The following PRR12 variants were observed in gnomAD, a reference collection of about 807,000 sequenced individuals.
PRR12 encodes the protein proline rich 12.
PRR12 carries 12 observed loss-of-function variants against 138.0 expected under a neutral mutation model. The ratio of observed to expected loss-of-function variants is 0.09; its 90% CI spans 0.06 to 0.14. The LOEUF is 0.14. Ranked by LOEUF, PRR12 falls within the 10% of genes least tolerant of loss-of-function variation. The probability of loss-of-function intolerance (pLI) is 1.00; values close to 1 mark genes in which losing one functional copy is unlikely to be tolerated. For synonymous variants in PRR12, 1,567 were observed against 1,291.7 expected, an observed-to-expected ratio of 1.21 and a Z score of -4.57; for missense variants, 2,692 against 2,861.3, an observed-to-expected ratio of 0.94 and a Z score of 1.35.
rs1336253766 is a variant in PRR12 at position 49,619,467 on chromosome 19, T to C, written c.5498-885T>C. Among the ~76,000 whole-genome samples the C allele has an allele frequency of 4.0e-5, 6 of 149,812 alleles. 1 individual carries two copies. The South Asian group carries it at 1.3e-3, about 32-fold the overall frequency. Reference sequence around the variant, plus strand: ...TCAGGCTGGTCTCGAACTCCCGACCTCAGGTGATCCACTTGCCTTGGCCTC... The same window carrying C: ...TCAGGCTGGTCTCGAACTCCCGACCCCAGGTGATCCACTTGCCTTGGCCTC... On this transcript the variant is annotated intron_variant, in intron 9 of 13. Coordinates refer to ENST00000418929, the MANE Select transcript of PRR12 (RefSeq NM_020719.3).
Position 49,597,470 on chromosome 19 carries a change from A to ACCGCCG in PRR12, c.3138_3143dup (p.Pro1048_Pro1049dup). On this transcript the variant is annotated inframe_insertion, in exon 4 of 14. Coordinates refer to ENST00000418929, the MANE Select transcript of PRR12 (RefSeq NM_020719.3). This position sits in a 1 kb window ranked among gnomAD's most constrained non-coding sequence, Gnocchi z 6.3. ...CGGCGCCACCACCCCCGCCTCCGCC[A>ACCGCCG]CCGCCGCCTCCCGCGCCGGCCTCCG... 1 of 1,543,712 alleles carries ACCGCCG rather than the reference A, an allele frequency of 6.5e-7. No individual in the cohort carries two copies. The highest frequency in any genetic ancestry group is 1.2e-5 in the South Asian group (1 of 84,014).
At chr19:49,593,474 C>A in intron 2 of PRR12, 35 bp downstream of exon 2, 1 of 933,756 alleles carries the variant, frequency 1.1e-6, no homozygotes, top group Non-Finnish European at 1.7e-6. Flanking sequence ...TTGGGCTGGC[C>A]CTCCCCCTCC....
intron 6 of PRR12, among the ~76,000 whole-genome samples, chr19:49,612,097 G>T (rs565831718): frequency 6.6e-6 from 1 of 152,014 alleles, no homozygotes; most frequent in African/African-American, 2.4e-5. Context: ...TGAGCGTGGT[G>T]GCATGTGCCT....
intron 6 of PRR12, 50 bp downstream of exon 6, chr19:49,601,968 G>C: frequency 6.3e-7 from 1 of 1,577,624 alleles, no homozygotes; most frequent in Non-Finnish European, 8.6e-7. Context: ...TTGGTCACCT[G>C]TTTGTTGAGT....
intron 4 of PRR12, among the ~76,000 whole-genome samples, chr19:49,598,217 T>A (rs1013506587): frequency 6.6e-6 from 1 of 151,816 alleles, no homozygotes; most frequent in Admixed American, 6.6e-5. Flanking sequence ...GGGACTACAG[T>A]TGCCCGCCAC....
At chr19:49,613,011 G>A (rs1253108229) in intron 6 of PRR12, among the ~76,000 whole-genome samples, 1 of 151,864 alleles carries the variant, frequency 6.6e-6, no homozygotes, top group Non-Finnish European at 1.5e-5. Flanking sequence ...TTTGGCATCC[G>A]TCACCTATTC....
In PRR12 at chr19:49,599,239, T is replaced by G. The variant is rs1281883134; in HGVS notation, c.3679-33T>G. On this transcript the variant is annotated intron_variant, in intron 4 of 13. Coordinates refer to ENST00000418929, the MANE Select transcript of PRR12 (RefSeq NM_020719.3). This position sits in a 1 kb window ranked among gnomAD's most constrained non-coding sequence, Gnocchi z 5.0. Reference sequence around the variant, plus strand: ...GGATGGGACTGGGGGCCCAGGCTACTGGGCCCTCACGGCCCGCCACTCCCA... The same window carrying G: ...GGATGGGACTGGGGGCCCAGGCTACGGGGCCCTCACGGCCCGCCACTCCCA... 3.9e-6 allele frequency: 6 copies of G among 1,525,478 alleles called. No individual in the cohort carries two copies. The highest frequency in any genetic ancestry group is 1.4e-5 in the African/African-American group (1 of 72,298). The allele number at this position is 1,525,478 out of a possible 1,614,324, so 94.5% of individuals were successfully genotyped here. A position where few individuals can be genotyped will look rare whatever the true frequency, so the allele number is the denominator to read the frequency against.
chr19:49,611,626 T>G (rs552790467), intron 6 of PRR12, among the ~76,000 whole-genome samples: 151 of 116,106 alleles, frequency 1.3e-3, no homozygotes, highest in Non-Finnish European at 2.3e-3. Flanking sequence ...CGAAACTCTA[T>G]CTAAAAAAAA....
intron 6 of PRR12, among the ~76,000 whole-genome samples, chr19:49,612,647 T>C (rs2080872680): frequency 6.6e-6 from 1 of 151,950 alleles, no homozygotes; most frequent in African/African-American, 2.4e-5. Flanking sequence ...GACAAGATGC[T>C]CCAATGGCTT....
intron 6 of PRR12, among the ~76,000 whole-genome samples, chr19:49,611,085 A>G (rs560222003): frequency 1.3e-5 from 2 of 150,838 alleles, no homozygotes; most frequent in Non-Finnish European, 3.0e-5. Flanking sequence ...CAGGTGATCC[A>G]TCTGCCTCGG....
chr19:49,621,894 A>G, intron 11 of PRR12: 1 of 489,672 alleles, frequency 2.0e-6, no homozygotes, highest in Non-Finnish European at 3.7e-6. Context: ...TGTGCAGCCA[A>G]ACATAGACTA....
In PRR12 at chr19:49,625,665, C is replaced by G; in HGVS notation, c.*58C>G. 1.3e-6 allele frequency: 2 copies of G among 1,536,648 alleles called. No individual in the cohort carries two copies. Among genetic ancestry groups the G allele is most frequent in the Non-Finnish European group, 1.8e-6 (2 of 1,142,724 alleles). ...CCATGAACCGAGAATTGGGACAGAA[C>G]CGTGTCCTCAGGAGCTAACACCTGG... On this transcript the variant is annotated 3_prime_UTR_variant, in exon 14 of 14. Transcript: ENST00000418929. This position sits in a 1 kb window ranked among gnomAD's most constrained non-coding sequence, Gnocchi z 5.5.
rs1457707552 is a variant in PRR12, at chr19:49,595,331, C to T, written c.996C>T (p.Ser332=). Residue 332 remains serine, a synonymous_variant, in exon 4 of 14, where the codon AGC becomes AGT. Coordinates refer to ENST00000418929, the MANE Select transcript of PRR12 (RefSeq NM_020719.3). ...SMGHRANLAC[S]PLGGGEPSPG... ...GCCACCGGGCCAACCTGGCCTGCAG[C>T]CCCCTGGGTGGTGGGGAGCCCTCCC... is the stretch of plus-strand genomic sequence containing the variant. 1 of 1,543,196 alleles carries T rather than the reference C, an allele frequency of 6.5e-7. No individual in the cohort carries two copies. The highest frequency in any genetic ancestry group is 1.2e-5 in the South Asian group (1 of 83,538).
In PRR12 at chr19:49,596,907, GGCCTGGAGCCCGCGGCCCCCAGCCCCC is replaced by G. The variant is rs1162831136; in HGVS notation, c.2578_2604del (p.Glu860_Leu868del). The G allele has an allele frequency of 6.4e-7, 1 of 1,551,648 alleles. No homozygotes were observed. The highest frequency in any genetic ancestry group is 8.7e-7 in the Non-Finnish European group (1 of 1,155,964). On this transcript the variant is annotated inframe_deletion, in exon 4 of 14. Transcript: ENST00000418929. This position sits in a 1 kb window ranked among gnomAD's most constrained non-coding sequence, Gnocchi z 5.6. ...GCTCGAGGCCCACCTCCGCAGCCATGGCCTGGAGCCCGCGGCCCCCAGCCCCCGCCTGCGACCCGAGGAGAGCCTGGA... is the reference window on the plus strand; with the variant it reads ...GCTCGAGGCCCACCTCCGCAGCCATGGCCTGCGACCCGAGGAGAGCCTGGA...
In PRR12 at chr19:49,601,694, C is replaced by A; in HGVS notation, c.4549C>A (p.Pro1517Thr). The A allele has an allele frequency of 6.5e-7, 1 of 1,539,734 alleles. No individual in the cohort carries two copies. The stretch of plus-strand genomic sequence containing the variant: ...CATGCCCTCGCCTCCACCACCACCC[C>A]CACCAGCCGCTGCCCCACTGGCTGC... ...PAMPSPPPPP[P>T]PAAAPLAAPP... Residue 1517 changes from proline (P) to threonine (T), a missense_variant, in exon 6 of 14, where the codon CCA becomes ACA. Physicochemically the swap from Pro to Thr is conservative, Grantham distance 38 (BLOSUM62 -1). Transcript: ENST00000418929.
rs2080726997 is a variant in PRR12, at chr19:49,591,605, T to TCCCTCCCTCCCTCCCTCC, written c.-42_-25dup. On this transcript the variant is annotated 5_prime_UTR_variant, in exon 1 of 14. Coordinates refer to ENST00000418929, the MANE Select transcript of PRR12 (RefSeq NM_020719.3). ...CGGAGGAGAGCGCGCGCGCGCCCCC[T>TCCCTCCCTCCCTCCCTCC]CCCTCCCTCCCTCCCTCCCCCTCCC... 3 of 131,630 alleles carry TCCCTCCCTCCCTCCCTCC rather than the reference T, an allele frequency of 2.3e-5. No individual in the cohort carries two copies. Among genetic ancestry groups the TCCCTCCCTCCCTCCCTCC allele is most frequent in the Admixed American group, 1.5e-4 (1 of 6,770 alleles). The allele number at this position is 131,630 out of a possible 1,614,324, so 8.2% of individuals were successfully genotyped here. A position where few individuals can be genotyped will look rare whatever the true frequency, so the allele number is the denominator to read the frequency against.
intron 11 of PRR12, among the ~76,000 whole-genome samples, chr19:49,622,667 G>C (rs1385302272): frequency 6.7e-6 from 1 of 149,502 alleles, no homozygotes; most frequent in Non-Finnish European, 1.5e-5. Flanking sequence ...CAAGACGGAT[G>C]GATCACGAGG....
At chr19:49,622,958 A>AGAGAGAGAG (rs1568432817) in intron 11 of PRR12, among the ~76,000 whole-genome samples, 2 of 94,484 alleles carry the variant, frequency 2.1e-5, no homozygotes, top group African/African-American at 1.0e-4. Context: ...GAGAGAGAGA[A>AGAGAGAGAG]AGAGAGAGAG....
Position 49,595,103 on chromosome 19 carries a change from CGCT to C in PRR12, c.771_773del (p.Ala258del). On this transcript the variant is annotated inframe_deletion, in exon 4 of 14. Coordinates refer to ENST00000418929, the MANE Select transcript of PRR12 (RefSeq NM_020719.3). ...TGGCTTCCTCTTCCGCTGCCGCCGC[CGCT>C]GCCGAGCAGTCCTCCCCACAGCTCT... 6.2e-7 allele frequency: 1 copy of C among 1,612,082 alleles called. No individual in the cohort carries two copies. The highest frequency in any genetic ancestry group is 8.5e-7 in the Non-Finnish European group (1 of 1,179,686).
Sources: gnomAD v4.1 joint callset for allele counts (sites outside exome capture counted in the v4.1 genomes callset) on GRCh38, gnomAD v4.1.1 for gene constraint, Gnocchi (gnomAD v3.1) non-coding constraint, MANE v1.5 for transcripts, NCBI Gene and HGNC (gene_info 2026-07-23, HGNC 2026-07-21) for gene names.